LRFN5: variants seen among roughly 807,000 people sequenced by gnomAD.
LRFN5 encodes leucine-rich repeat and fibronectin type-III domain-containing protein 5.
A neutral mutation model predicts 45.6 loss-of-function variants in LRFN5; 24 were observed. The ratio of observed to expected loss-of-function variants is 0.53; its 90% CI spans 0.38 to 0.74. The LOEUF (loss-of-function observed/expected upper bound fraction) is 0.74. Among genes scored for constraint, LRFN5 ranks in the 30% least tolerant of loss-of-function variants. The pLI, the probability that LRFN5 is intolerant of heterozygous loss-of-function variation, is 0.00. For synonymous variants in LRFN5, 340 were observed against 313.8 expected, an observed-to-expected ratio of 1.08 and a Z score of -0.88; for missense variants, 776 against 861.5, an observed-to-expected ratio of 0.90 and a Z score of 1.24.
At chr14:41,842,018 A>G (rs1888877537) in intron 2 of LRFN5, among the ~76,000 whole-genome samples, 1 of 151,966 alleles carries the variant, frequency 6.6e-6, no homozygotes, top group Non-Finnish European at 1.5e-5. Flanking sequence ...AATATGTGCT[A>G]TAGTACATAT....
intron 1 of LRFN5, among the ~76,000 whole-genome samples, chr14:41,616,380 T>C (rs1278974175): frequency 1.3e-5 from 2 of 152,196 alleles, no homozygotes; most frequent in Admixed American, 6.5e-5. Flanking sequence ...GATGCCACTC[T>C]AGAAAAGTTG....
At chr14:41,878,560 A>G (rs1449680448) in intron 2 of LRFN5, among the ~76,000 whole-genome samples, 1 of 152,142 alleles carries the variant, frequency 6.6e-6, no homozygotes, top group Non-Finnish European at 1.5e-5. Flanking sequence ...TTTGTGTGTA[A>G]TAGACTCTTC....
intron 1 of LRFN5, among the ~76,000 whole-genome samples, chr14:41,706,076 T>C (rs1309281575): frequency 6.6e-6 from 1 of 152,094 alleles, no homozygotes; most frequent in African/African-American, 2.4e-5. Flanking sequence ...ACTACAAACA[T>C]GCTACAACAA....
chr14:41,671,768 A>C (rs896979654), intron 1 of LRFN5, among the ~76,000 whole-genome samples: 3 of 151,786 alleles, frequency 2.0e-5, no homozygotes, highest in African/African-American at 7.3e-5. Flanking sequence ...ACAGGTGTGC[A>C]CCATCATGCC....
chr14:41,624,089 A>G (rs938328866), intron 1 of LRFN5, among the ~76,000 whole-genome samples: 2 of 152,132 alleles, frequency 1.3e-5, no homozygotes, highest in African/African-American at 4.8e-5. Context: ...AAGATGTTTC[A>G]GAGTCAAATA....
chr14:41,895,032 G>T (rs1041888145), intron 4 of LRFN5: 1 of 983,962 alleles, frequency 1.0e-6, no homozygotes, highest in Non-Finnish European at 1.2e-6. Context: ...TTGCATTATA[G>T]TTTCAGCTTG....
At chr14:41,748,447 G>A (rs939214046) in intron 1 of LRFN5, among the ~76,000 whole-genome samples, 1 of 152,076 alleles carries the variant, frequency 6.6e-6, no homozygotes, top group Non-Finnish European at 1.5e-5. Flanking sequence ...ACTTATAGAG[G>A]GAACTTAGAG....
chr14:41,826,020 A>G (rs1415906988), intron 2 of LRFN5, among the ~76,000 whole-genome samples: 3 of 152,180 alleles, frequency 2.0e-5, no homozygotes, highest in African/African-American at 7.2e-5. Context: ...AGGCTCCAGC[A>G]TTCTACTTTC....
At chr14:41,755,286 T>C (rs549778207) in intron 1 of LRFN5, among the ~76,000 whole-genome samples, 1 of 152,320 alleles carries the variant, frequency 6.6e-6, no homozygotes, top group Non-Finnish European at 1.5e-5. Flanking sequence ...TAGGTCCGCT[T>C]GGTGCAGAGC....
At chr14:41,819,411 T>TAAA (rs1164020970) in intron 2 of LRFN5, among the ~76,000 whole-genome samples, 4 of 152,174 alleles carry the variant, frequency 2.6e-5, no homozygotes, top group Non-Finnish European at 4.4e-5. Flanking sequence ...ATAACCATTC[T>TAAA]GATTCACGAA....
intron 5 of LRFN5, among the ~76,000 whole-genome samples, chr14:41,903,906 A>G (rs375421784): frequency 7.2e-5 from 11 of 152,046 alleles, no homozygotes; most frequent in African/African-American, 2.7e-4. Context: ...TAGGCTTCAT[A>G]TACTTAGATT....
chr14:41,646,534 C>T (rs1879826656), intron 1 of LRFN5, among the ~76,000 whole-genome samples: 2 of 152,152 alleles, frequency 1.3e-5, no homozygotes, highest in South Asian at 2.1e-4. Flanking sequence ...CCTAGAATCA[C>T]TTATCCTTGT....
chr14:41,795,354 T>C (rs1055687929), intron 2 of LRFN5, among the ~76,000 whole-genome samples: 5 of 152,114 alleles, frequency 3.3e-5, no homozygotes, highest in African/African-American at 1.2e-4. Context: ...TCAACCATTG[T>C]GGAAGTCAGT....
chr14:41,651,925 A>G (rs1005619389), intron 1 of LRFN5, among the ~76,000 whole-genome samples: 2 of 152,040 alleles, frequency 1.3e-5, no homozygotes, highest in Admixed American at 1.3e-4. Flanking sequence ...CTTTGTCTTA[A>G]TATGTCTGTC....
intron 3 of LRFN5, among the ~76,000 whole-genome samples, chr14:41,890,703 T>A (rs1355079552): frequency 7.6e-6 from 1 of 132,404 alleles, no homozygotes; most frequent in Non-Finnish European, 1.7e-5. Context: ...CGAGACTCCG[T>A]CTCAAAAAAA....
intron 1 of LRFN5, among the ~76,000 whole-genome samples, chr14:41,732,161 A>G (rs1884207104): frequency 6.6e-6 from 1 of 152,200 alleles, no homozygotes; most frequent in Non-Finnish European, 1.5e-5. Context: ...CAGGGCAGCC[A>G]GCTGTGTACA....
chr14:41,866,022 T>C (rs1889827929), intron 2 of LRFN5, among the ~76,000 whole-genome samples: 1 of 152,178 alleles, frequency 6.6e-6, no homozygotes, highest in African/African-American at 2.4e-5. Context: ...TTCATTTTCT[T>C]TATGGAATCA....
intron 1 of LRFN5, among the ~76,000 whole-genome samples, chr14:41,689,620 C>T (rs1219839642): frequency 1.3e-5 from 2 of 151,930 alleles, no homozygotes; most frequent in African/African-American, 4.8e-5. Flanking sequence ...ACTGGCCGGG[C>T]GCGGTGGCTC....
At chr14:41,778,222 T>A (rs1057349119) in intron 2 of LRFN5, among the ~76,000 whole-genome samples, 5 of 151,712 alleles carry the variant, frequency 3.3e-5, no homozygotes, top group Non-Finnish European at 7.4e-5. Flanking sequence ...ATAGGATTTT[T>A]AAAATAAATG....
Sources: gnomAD v4.1 joint callset for allele counts (sites outside exome capture counted in the v4.1 genomes callset) on GRCh38, gnomAD v4.1.1 for gene constraint, MANE v1.5 for transcripts, NCBI Gene and HGNC (gene_info 2026-07-23, HGNC 2026-07-21) for gene names.